THSD7B: variants seen among roughly 807,000 people sequenced by gnomAD.
THSD7B encodes thrombospondin type-1 domain-containing protein 7B.
Under a neutral mutation model 213.6 loss-of-function variants are expected in THSD7B, and 138 were observed. The observed-to-expected ratio is 0.65, with a 90% CI of 0.56 to 0.74. The LOEUF (loss-of-function observed/expected upper bound fraction) is 0.74, where lower values mean the gene tolerates loss of function less well. Ranked by LOEUF, THSD7B falls within the 30% of genes least tolerant of loss-of-function variation. THSD7B has a pLI of 0.00. For missense variants in THSD7B, 1,931 were observed against 1,991.5 expected, an observed-to-expected ratio of 0.97 and a Z score of 0.58; for synonymous variants, 742 against 687.0, an observed-to-expected ratio of 1.08 and a Z score of -1.25.
intron 12 of THSD7B, among the ~76,000 whole-genome samples, chr2:137,314,198 G>T: frequency 6.6e-6 from 1 of 152,086 alleles, no homozygotes; most frequent in African/African-American, 2.4e-5. Context: ...TGGAGGCTTT[G>T]CTCATTTCTT....
At chr2:137,185,400 G>C (rs1259249587) in intron 7 of THSD7B, among the ~76,000 whole-genome samples, 1 of 151,910 alleles carries the variant, frequency 6.6e-6, no homozygotes, top group Admixed American at 6.6e-5. Flanking sequence ...TCCATCCCTT[G>C]CCCCCTTTTA....
At position 137,676,504 on chromosome 2, in the gene THSD7B, G is replaced by A. The variant is rs1683702673; in HGVS notation, c.4740-20G>A. 2.5e-6 allele frequency: 4 copies of A among 1,571,698 alleles called. No homozygotes were observed. Among genetic ancestry groups the A allele is most frequent in the Admixed American group, 1.9e-5 (1 of 51,496 alleles). ...GCTCTATGAACTTACTTGATCTGAG[G>A]AATTTTTTTCCCTTTGCAGCAAGAA... On this transcript the variant is annotated intron_variant, in intron 27 of 27. Coordinates refer to ENST00000409968, the MANE Select transcript of THSD7B (RefSeq NM_001316349.2).
intron 20 of THSD7B, among the ~76,000 whole-genome samples, chr2:137,631,252 A>G (rs1341906800): frequency 1.3e-5 from 2 of 152,134 alleles, no homozygotes; most frequent in East Asian, 3.9e-4. Context: ...GTAATAGAAG[A>G]GCTTAATATT....
At chr2:136,837,711 GA>G (rs1682866111) in intron 1 of THSD7B, among the ~76,000 whole-genome samples, 1 of 152,180 alleles carries the variant, frequency 6.6e-6, no homozygotes, top group Admixed American at 6.6e-5. Context: ...AGAATATGGT[GA>G]TGAATGAATG....
At chr2:137,042,408 T>C (rs1049596252) in intron 2 of THSD7B, among the ~76,000 whole-genome samples, 3 of 152,194 alleles carry the variant, frequency 2.0e-5, no homozygotes, top group Non-Finnish European at 4.4e-5. Flanking sequence ...CTCTCTTTTT[T>C]TTCCTCCAGG....
At chr2:137,350,645 T>A (rs1004974850) in intron 12 of THSD7B, among the ~76,000 whole-genome samples, 5 of 151,568 alleles carry the variant, frequency 3.3e-5, no homozygotes, top group African/African-American at 1.2e-4. Context: ...GCAAGCAATG[T>A]GGAGAATGAG....
intron 1 of THSD7B, among the ~76,000 whole-genome samples, chr2:136,791,016 TTG>T (rs1188510209): frequency 6.6e-6 from 1 of 152,034 alleles, no homozygotes; most frequent in East Asian, 1.9e-4. Flanking sequence ...ACTGGGATGT[TTG>T]TGGGACATGA....
intron 1 of THSD7B, among the ~76,000 whole-genome samples, chr2:136,844,568 A>T (rs1289774064): frequency 2.0e-5 from 3 of 151,838 alleles, no homozygotes; most frequent in African/African-American, 7.3e-5. Flanking sequence ...CTGATGACCA[A>T]GCCTAGCAAG....
chr2:137,150,452 AG>A (rs1272166295), intron 5 of THSD7B, among the ~76,000 whole-genome samples: 2 of 152,000 alleles, frequency 1.3e-5, no homozygotes, highest in African/African-American at 4.8e-5. Flanking sequence ...TTCTCATGAC[AG>A]TGAGTGAGTT....
intron 7 of THSD7B, among the ~76,000 whole-genome samples, chr2:137,187,296 G>A (rs1680569112): frequency 6.6e-6 from 1 of 152,096 alleles, no homozygotes; most frequent in Admixed American, 6.5e-5. Flanking sequence ...ACCAACCAGA[G>A]TGTTTCACAA....
intron 10 of THSD7B, among the ~76,000 whole-genome samples, chr2:137,256,787 A>AT (rs1271525005): frequency 6.6e-6 from 1 of 152,210 alleles, no homozygotes; most frequent in African/African-American, 2.4e-5. Context: ...TGGGCAAGAA[A>AT]TGAGGAAAAT....
chr2:137,201,646 G>C (rs1051499624), intron 7 of THSD7B, among the ~76,000 whole-genome samples: 5 of 152,146 alleles, frequency 3.3e-5, no homozygotes, highest in African/African-American at 1.2e-4. Flanking sequence ...GTGCAGAATT[G>C]TTGTATCATA....
At chr2:137,359,772 G>T (rs1364553973) in intron 12 of THSD7B, among the ~76,000 whole-genome samples, 2 of 152,040 alleles carry the variant, frequency 1.3e-5, no homozygotes, top group Non-Finnish European at 2.9e-5. Context: ...TACCTCTTTT[G>T]TTCTCTTTTA....
intron 1 of THSD7B, among the ~76,000 whole-genome samples, chr2:136,813,242 TCAAA>T (rs1396282536): frequency 6.6e-6 from 1 of 152,190 alleles, no homozygotes; most frequent in Non-Finnish European, 1.5e-5. Flanking sequence ...GACCTATGTG[TCAAA>T]CAGTCTTTCT....
rs761822568 is a variant in THSD7B, at chr2:137,620,654, G to A, written c.3727G>A (p.Glu1243Lys). 23 of 1,613,848 alleles carry A rather than the reference G, an allele frequency of 1.4e-5. No individual in the cohort carries two copies. The highest frequency in any genetic ancestry group is 4.4e-5 in the South Asian group (4 of 91,088). ...GAGAATGAGCATTCCCTGCTTGGTG[G>A]AATGCGTGGTCAACTGTCAGCTCTC... ...PQRMSIPCLV[E>K]CVVNCQLSGW... The change falls in exon 20 of 28, where the codon GAA (glutamate) becomes AAA (lysine). Residue 1243 changes from glutamate (E) to lysine (K), a missense_variant. Glu to Lys is a moderately conservative substitution (Grantham distance 56). Transcript: ENST00000409968.
chr2:137,536,813 C>T (rs1680516226), intron 15 of THSD7B, among the ~76,000 whole-genome samples: 1 of 151,604 alleles, frequency 6.6e-6, no homozygotes, highest in Admixed American at 6.6e-5. Flanking sequence ...CAAAGAGGTG[C>T]TTTTGATTGC....
At chr2:137,373,940 A>G (rs965684687) in intron 12 of THSD7B, among the ~76,000 whole-genome samples, 1 of 152,296 alleles carries the variant, frequency 6.6e-6, no homozygotes, top group Non-Finnish European at 1.5e-5. Context: ...TCCCAGCACC[A>G]TTTATTAAAT....
At chr2:137,617,012 G>A (rs1456914627) in intron 18 of THSD7B, among the ~76,000 whole-genome samples, 2 of 150,528 alleles carry the variant, frequency 1.3e-5, no homozygotes, top group Non-Finnish European at 2.9e-5. Flanking sequence ...CAGAGGCAAA[G>A]CAATTGCCTT....
At chr2:137,218,291 G>A (rs1681292651) in intron 7 of THSD7B, among the ~76,000 whole-genome samples, 1 of 152,008 alleles carries the variant, frequency 6.6e-6, no homozygotes, top group South Asian at 2.1e-4. Flanking sequence ...CACTATTATT[G>A]TTCTGAAGTG....
Sources: gnomAD v4.1 joint callset for allele counts (sites outside exome capture counted in the v4.1 genomes callset) on GRCh38, gnomAD v4.1.1 for gene constraint, MANE v1.5 for transcripts, NCBI Gene and HGNC (gene_info 2026-07-23, HGNC 2026-07-21) for gene names.